FAM13B: variants seen among roughly 807,000 people sequenced by gnomAD.
The protein encoded by FAM13B is protein FAM13B.
Under a neutral mutation model 117.3 loss-of-function variants are expected in FAM13B, and 60 were observed. The observed-to-expected ratio is 0.51, with a 90% CI of 0.42 to 0.63. The LOEUF is 0.63. Ranked by LOEUF, FAM13B falls within the 30% of genes least tolerant of loss-of-function variation. FAM13B has a pLI of 0.00. For synonymous variants in FAM13B, 332 were observed against 356.1 expected, an observed-to-expected ratio of 0.93 and a Z score of 0.76; for missense variants, 972 against 1,091.9, an observed-to-expected ratio of 0.89 and a Z score of 1.55.
chr5:137,990,685 T>A (rs1355085141), intron 7 of FAM13B, among the ~76,000 whole-genome samples: 1 of 152,128 alleles, frequency 6.6e-6, no homozygotes, highest in African/African-American at 2.4e-5. Flanking sequence ...CAGGTGCCAG[T>A]GGCTCATGCC....
intron 7 of FAM13B, among the ~76,000 whole-genome samples, chr5:137,996,593 C>A (rs140474620): frequency 6.6e-6 from 1 of 152,118 alleles, no homozygotes; most frequent in Non-Finnish European, 1.5e-5. Context: ...TTCAATTTTT[C>A]ATCTTTCTTT....
chr5:137,999,471 G>C (rs989362612), intron 7 of FAM13B, among the ~76,000 whole-genome samples: 4 of 152,034 alleles, frequency 2.6e-5, no homozygotes, highest in African/African-American at 9.7e-5. Flanking sequence ...AGCTACTCAG[G>C]AGGCTGAGGC....
intron 13 of FAM13B, among the ~76,000 whole-genome samples, chr5:137,957,456 C>T (rs991099605): frequency 2.7e-5 from 4 of 149,596 alleles, no homozygotes; most frequent in Admixed American, 1.4e-4. Context: ...AGGAGAATTG[C>T]TTGAACCTGC....
At chr5:137,954,060 TGAGATGGA>T in intron 15 of FAM13B, 98 bp downstream of exon 15, 1 of 523,716 alleles carries the variant, frequency 1.9e-6, no homozygotes, top group Admixed American at 3.8e-5. Context: ...TTTTTTTTTT[TGAGATGGA>T]GTTTCACTAT....
At chr5:137,956,394 C>T in intron 14 of FAM13B, 83 bp downstream of exon 14, 1 of 896,522 alleles carries the variant, frequency 1.1e-6, no homozygotes, top group Non-Finnish European at 1.7e-6. Flanking sequence ...GATATGGGGA[C>T]AGCAGGAGAA....
At chr5:138,018,869 A>G in intron 3 of FAM13B, 86 bp downstream of exon 3, 2 of 1,161,002 alleles carry the variant, frequency 1.7e-6, no homozygotes, top group Non-Finnish European at 2.4e-6. Context: ...CCATATTAAA[A>G]AAAAAAATTA....
intron 10 of FAM13B, among the ~76,000 whole-genome samples, chr5:137,975,305 A>G (rs980189459): frequency 1.3e-5 from 2 of 152,132 alleles, no homozygotes; most frequent in African/African-American, 4.8e-5. Flanking sequence ...AATCCACCCA[A>G]CACGCACTCT....
chr5:137,999,929 C>T (rs1340501262), intron 7 of FAM13B, among the ~76,000 whole-genome samples: 2 of 152,014 alleles, frequency 1.3e-5, no homozygotes, highest in South Asian at 4.1e-4. Flanking sequence ...TTCCTAATAC[C>T]AAAACTTCCA....
At chr5:137,946,456 C>T in intron 18 of FAM13B, 145 bp from the exon 19 acceptor site, 1 of 566,130 alleles carries the variant, frequency 1.8e-6, no homozygotes, top group Admixed American at 3.6e-5. Context: ...CTAGCCCAGG[C>T]CTTTGCTTGC....
intron 20 of FAM13B, 21 bp downstream of exon 20, chr5:137,945,881 A>G (rs1224984569): frequency 1.9e-6 from 3 of 1,559,978 alleles, no homozygotes; most frequent in Non-Finnish European, 8.8e-7. Flanking sequence ...GAACCAGAGA[A>G]TTATTGCTTA....
chr5:137,969,031 G>T (rs1401793169), intron 10 of FAM13B, among the ~76,000 whole-genome samples: 1 of 152,196 alleles, frequency 6.6e-6, no homozygotes, highest in Non-Finnish European at 1.5e-5. Context: ...CGAGGCTGGG[G>T]GAAGGGTGCC....
intron 14 of FAM13B, 151 bp downstream of exon 14, chr5:137,956,326 G>T (rs1370970075): frequency 2.2e-5 from 9 of 417,436 alleles, no homozygotes; most frequent in Non-Finnish European, 3.9e-5. Flanking sequence ...TTTAAGAAAA[G>T]ACAAAAGTAA....
At chr5:137,953,139 T>G (rs1175939201) in intron 16 of FAM13B, among the ~76,000 whole-genome samples, 197 bp downstream of exon 16, 6 of 152,186 alleles carry the variant, frequency 3.9e-5, no homozygotes, top group African/African-American at 1.4e-4. Context: ...GATGCCACGG[T>G]GCAAATGGCA....
In FAM13B at chr5:138,048,401, A is replaced by T. The variant is rs536065371; in HGVS notation, c.-203+3477T>A. Among the ~76,000 whole-genome samples, 7 of 152,322 alleles carry T rather than the reference A, an allele frequency of 4.6e-5. No homozygotes were observed. The East Asian group carries it at 1.3e-3, about 29-fold the overall frequency. On this transcript the variant is annotated intron_variant, in intron 1 of 3. Transcript: ENST00000502471. ...ACTTATAGTGGAGGGTACAGAACTT[A>T]TAGGTGTGACCCCGCACCCCTAGGA...
chr5:137,956,717 C>T (rs1766664469), intron 13 of FAM13B, among the ~76,000 whole-genome samples, 175 bp from the exon 14 acceptor site: 1 of 150,750 alleles, frequency 6.6e-6, no homozygotes, highest in Non-Finnish European at 1.5e-5. Flanking sequence ...TTTTAACAAA[C>T]ACAAACATAA....
At chr5:138,032,261 C>G (rs1406274737) in intron 1 of FAM13B, among the ~76,000 whole-genome samples, 1 of 152,204 alleles carries the variant, frequency 6.6e-6, no homozygotes, top group Non-Finnish European at 1.5e-5. Flanking sequence ...CCCAGTGCAC[C>G]AACAGCCCAA....
At position 138,018,441 on chromosome 5, in the gene FAM13B, G is replaced by GT; in HGVS notation, c.230dup (p.Tyr77Ter). The GT allele has an allele frequency of 6.2e-7, 1 of 1,614,096 alleles. No individual in the cohort carries two copies. Among genetic ancestry groups the GT allele is most frequent in the Non-Finnish European group, 8.5e-7 (1 of 1,180,008 alleles). Residue 77 changes from tyrosine (Y) to a stop codon, truncating the protein, a stop_gained and frameshift_variant, in exon 4 of 24, where the codon TAC becomes TAAC. Coordinates refer to ENST00000689681, the MANE Select transcript of FAM13B (RefSeq NM_001385994.1). LOFTEE classifies it high-confidence loss of function. Reference sequence around the variant, plus strand: ...CCAAATCCACCTCTTCTCCGCTGTCGTATCTCTGCCGAAGCCACTCCACTG... The same window carrying GT: ...CCAAATCCACCTCTTCTCCGCTGTCGTTATCTCTGCCGAAGCCACTCCACTG... Reference protein sequence around the residue: ...AETVEWLRQRYDSGEEVDLVK... With the variant: ...AETVEWLRQR
chr5:138,034,995 C>CTTTTTTTTTT (rs557807234), upstream of FAM13B, among the ~76,000 whole-genome samples: 1,271 of 34,366 alleles, frequency 0.037, 452 homozygotes, highest in East Asian at 0.1. Flanking sequence ...ATTCCCTTGC[C>CTTTTTTTTTT]TTTTTTTTTT....
At chr5:138,040,550 C>T (rs773078505) in intron 1 of FAM13B, among the ~76,000 whole-genome samples, 5 of 151,658 alleles carry the variant, frequency 3.3e-5, no homozygotes, top group East Asian at 1.9e-4. Context: ...CCAGCCTGGG[C>T]GACGTAGACA....
Sources: gnomAD v4.1 joint callset for allele counts (sites outside exome capture counted in the v4.1 genomes callset) on GRCh38, gnomAD v4.1.1 for gene constraint, MANE v1.5 for transcripts, NCBI Gene and HGNC (gene_info 2026-07-23, HGNC 2026-07-21) for gene names.